ATP9B: variants seen among roughly 807,000 people sequenced by gnomAD.
The protein encoded by ATP9B is ATPase phospholipid transporting 9B.
A neutral mutation model predicts 146.1 loss-of-function variants in ATP9B; 110 were observed. The observed-to-expected ratio is 0.75, with a 90% confidence interval of 0.65 to 0.88. The LOEUF (loss-of-function observed/expected upper bound fraction) is 0.88. Ranked by LOEUF, ATP9B falls within the 40% of genes least tolerant of loss-of-function variation. The pLI, the probability that ATP9B is intolerant of heterozygous loss-of-function variation, is 0.00. For synonymous variants in ATP9B, 604 were observed against 569.7 expected (o/e 1.06, Z -0.86); for missense variants, 1,499 against 1,496.4 (o/e 1.00, Z -0.03).
intron 26 of ATP9B, among the ~76,000 whole-genome samples, chr18:79,366,191 C>T (rs188014304): frequency 6.6e-6 from 1 of 152,256 alleles, no homozygotes; most frequent in East Asian, 1.9e-4. Flanking sequence ...TAGAGGGTGA[C>T]CGGAGAGGCA....
rs147261658 is a variant in ATP9B at position 79,284,222 on chromosome 18, T to C, written c.1411+7026T>C. Among the ~76,000 whole-genome samples, 749 of 152,336 alleles carry C rather than the reference T, an allele frequency of 4.9e-3. 4 individuals carry two copies. The highest frequency in any genetic ancestry group is 7.7e-3 in the Non-Finnish European group (524 of 68,028). ...ACAGGTAAGACTTGGAAATGTTTTT[T>C]AAACCAAGTCTCTTATGCATGATGC... On this transcript the variant is annotated intron_variant, in intron 13 of 29. Coordinates refer to ENST00000426216, the MANE Select transcript of ATP9B (RefSeq NM_198531.5).
At chr18:79,106,517 C>T (rs2075661439) in intron 2 of ATP9B, among the ~76,000 whole-genome samples, 1 of 152,166 alleles carries the variant, frequency 6.6e-6, no homozygotes, top group Admixed American at 6.6e-5. Context: ...TTCTGGTGCA[C>T]CTGCAGGCCT....
At position 79,277,046 on chromosome 18, in the gene ATP9B, T is replaced by G; in HGVS notation, c.1269-8T>G. 6.2e-7 allele frequency: 1 copy of G among 1,614,104 alleles called. No homozygotes were observed. The highest frequency in any genetic ancestry group is 8.5e-7 in the Non-Finnish European group (1 of 1,179,980). On this transcript the variant is annotated splice_region_variant and splice_polypyrimidine_tract_variant and intron_variant, in intron 12 of 29. Transcript: ENST00000426216. ...ACACTAACCACTGCAATGGGTTTTATTTGGCAGTTTGCGTGTGAACTTGGA... is the reference window on the plus strand; with the variant it reads ...ACACTAACCACTGCAATGGGTTTTAGTTGGCAGTTTGCGTGTGAACTTGGA...
chr18:79,156,846 T>A (rs1401395259), intron 7 of ATP9B, among the ~76,000 whole-genome samples: 1 of 152,186 alleles, frequency 6.6e-6, no homozygotes. Flanking sequence ...CTTCATAGTT[T>A]GTCACATGTG....
chr18:79,185,613 A>G (rs1288494042), intron 8 of ATP9B, among the ~76,000 whole-genome samples: 2 of 152,216 alleles, frequency 1.3e-5, no homozygotes, highest in African/African-American at 4.8e-5. Context: ...TCAATTTTAT[A>G]TTTTAGCTTC....
chr18:79,348,102 G>GTTGTC, intron 24 of ATP9B, 30 bp from the exon 25 acceptor site: 1 of 1,613,408 alleles, frequency 6.2e-7, no homozygotes, highest in Non-Finnish European at 8.5e-7. Context: ...GGAACTGACA[G>GTTGTC]TTGTCTTCGT....
At chr18:79,298,298 A>G (rs1164438554) in intron 13 of ATP9B, among the ~76,000 whole-genome samples, 1 of 146,626 alleles carries the variant, frequency 6.8e-6, no homozygotes, top group Non-Finnish European at 1.5e-5. Flanking sequence ...GCAGAAACCA[A>G]TGGTGTATCT....
chr18:79,088,269 ATAACT>A (rs2074012768), intron 1 of ATP9B, among the ~76,000 whole-genome samples: 1 of 152,246 alleles, frequency 6.6e-6, no homozygotes, highest in African/African-American at 2.4e-5. Flanking sequence ...TAACTGTTGA[ATAACT>A]TAATGAAAAA....
chr18:79,164,574 C>G lies in ATP9B; in HGVS notation c.778+10019C>G, dbSNP rs2094935887. On this transcript the variant is annotated intron_variant, in intron 7 of 29. Transcript: ENST00000426216. ...ACTAAAAATACAAAAAAAAAATTAG[C>G]CAGACATGGTGGCGGGCGCCTGTAG... Among the ~76,000 whole-genome samples the G allele has an allele frequency of 2.6e-5, 4 of 152,042 alleles. No individual in the cohort carries two copies. The South Asian group carries it at 8.3e-4, about 32-fold the overall frequency.
chr18:79,222,914 C>T (rs1343227835), intron 11 of ATP9B, among the ~76,000 whole-genome samples: 1 of 152,138 alleles, frequency 6.6e-6, no homozygotes, highest in Admixed American at 6.5e-5. Flanking sequence ...GAGAAAAATT[C>T]TTGTGGAGGT....
intron 8 of ATP9B, among the ~76,000 whole-genome samples, chr18:79,177,767 T>C (rs2095196541): frequency 6.6e-6 from 1 of 152,190 alleles, no homozygotes; most frequent in Admixed American, 6.5e-5. Context: ...TTCATTAGCC[T>C]TCAGGTCAGA....
rs2095333544 is a variant in ATP9B, at chr18:79,188,792, G to A, written c.874-4391G>A. ...TTCTGTTATCTCTTAAGGCCTTCAA[G>A]TGTACCTCGGCTTCTCAAGTCTTCC... On this transcript the variant is annotated intron_variant, in intron 8 of 29. Transcript: ENST00000426216. Among the ~76,000 whole-genome samples the A allele has an allele frequency of 2.0e-5, 3 of 151,550 alleles. No individual in the cohort carries two copies. The South Asian group carries it at 6.2e-4, about 31-fold the overall frequency.
intron 1 of ATP9B, among the ~76,000 whole-genome samples, chr18:79,081,166 G>C (rs1160357935): frequency 6.6e-6 from 1 of 152,060 alleles, no homozygotes; most frequent in African/African-American, 2.4e-5. Context: ...CTCTTTTTCT[G>C]TTGTTTGGAA....
intron 1 of ATP9B, chr18:79,085,367 G>T (rs1051803557): frequency 1.3e-5 from 2 of 152,176 alleles, no homozygotes. Flanking sequence ...ATAGCATATG[G>T]TTAAGGAAGA....
intron 25 of ATP9B, chr18:79,353,502 A>G (rs1244164333): frequency 6.6e-6 from 1 of 152,342 alleles, no homozygotes; most frequent in African/African-American, 2.4e-5. Context: ...GAGAAAGCAG[A>G]GGACACGCTC....
chr18:79,285,237 A>G (rs554138678), intron 13 of ATP9B, among the ~76,000 whole-genome samples: 4 of 151,668 alleles, frequency 2.6e-5, no homozygotes, highest in African/African-American at 4.9e-5. Flanking sequence ...AGTCCCACCA[A>G]CAGTGTAAAA....
intron 12 of ATP9B, among the ~76,000 whole-genome samples, chr18:79,262,830 T>C (rs1233124051): frequency 1.3e-5 from 2 of 152,398 alleles, no homozygotes; most frequent in East Asian, 3.9e-4. Flanking sequence ...TGTTTCCTTT[T>C]ATACTTTTTC....
At chr18:79,329,412 G>T in intron 16 of ATP9B, 110 bp downstream of exon 16, 1 of 1,245,052 alleles carries the variant, frequency 8.0e-7, no homozygotes, top group South Asian at 2.0e-5. Context: ...GGTGCTTTAT[G>T]CTGTTACAGT....
chr18:79,118,062 G>T (rs1304864338), intron 4 of ATP9B: 1 of 152,078 alleles, frequency 6.6e-6, no homozygotes, highest in East Asian at 1.9e-4. Flanking sequence ...TCACTAAAGT[G>T]TTTCATTGTA....
Sources: allele counts gnomAD v4.1 joint callset (sites outside exome capture counted in the v4.1 genomes callset), GRCh38; gene constraint gnomAD v4.1.1; transcripts MANE v1.5; gene names NCBI Gene and HGNC (gene_info 2026-07-23, HGNC 2026-07-21).